The following CTDSP1 variants were observed in gnomAD, a reference collection of about 807,000 sequenced individuals.
The protein encoded by CTDSP1 is carboxy-terminal domain RNA polymerase II polypeptide A small phosphatase 1.
A neutral mutation model predicts 32.5 loss-of-function variants in CTDSP1; 15 were observed. The observed-to-expected ratio is 0.46, with a 90% CI of 0.31 to 0.71. The LOEUF is 0.71. Ranked by LOEUF, CTDSP1 falls within the 30% of genes least tolerant of loss-of-function variation. CTDSP1 has a pLI of 0.05. For synonymous variants in CTDSP1, 185 were observed against 145.4 expected (o/e 1.27, Z -1.96); for missense variants, 294 against 351.1 (o/e 0.84, Z 1.30).
intron 1 of CTDSP1, chr2:218,400,575 A>G: frequency 2.8e-6 from 1 of 362,710 alleles, no homozygotes; most frequent in Non-Finnish European, 5.4e-6. Context: ...GCGGTCCGGT[A>G]GGGTCTTGGG....
rs1440960006 is a variant in CTDSP1 at position 218,399,899 on chromosome 2, T to A, written c.-192T>A. The A allele has an allele frequency of 1.6e-6, 2 of 1,263,104 alleles. No homozygotes were observed. Among genetic ancestry groups the A allele is most frequent in the East Asian group, 3.3e-5 (1 of 30,296 alleles). 78.2% of individuals were successfully genotyped at this position (1,263,104 alleles called of 1,614,324 possible). On this transcript the variant is annotated 5_prime_UTR_variant, in exon 1 of 7. An upstream open reading frame in the 5' UTR gains an earlier in-frame stop. Coordinates refer to ENST00000273062, the MANE Select transcript of CTDSP1 (RefSeq NM_021198.3). ...GCCTCGCGGGAAGGAAACTCCATGT[T>A]GTAACAAAGTTTCCTCCGCGCCCCC...
At position 218,404,409 on chromosome 2, in the gene CTDSP1, CACG is replaced by C; in HGVS notation, c.771_773del (p.Arg258del). The C allele has an allele frequency of 6.2e-7, 1 of 1,614,124 alleles. No individual in the cohort carries two copies. Among genetic ancestry groups the C allele is most frequent in the South Asian group, 1.1e-5 (1 of 91,082 alleles). ...GACGTGTACTCAGTGCTCAGGCAGC[CACG>C]GCCAGGGAGCTAGTGAGGGTGATGG... On this transcript the variant is annotated inframe_deletion, in exon 7 of 7. Coordinates refer to ENST00000273062, the MANE Select transcript of CTDSP1 (RefSeq NM_021198.3).
At chr2:218,403,189 A>G (rs756022832) in intron 5 of CTDSP1, 43 bp from the exon 6 acceptor site, 4 of 1,612,038 alleles carry the variant, frequency 2.5e-6, no homozygotes, top group Admixed American at 1.7e-5. Context: ...CATGCAGCCC[A>G]ATGAACCTGC....
chr2:218,400,089 C>T lies in CTDSP1; in HGVS notation c.-2C>T, dbSNP rs1325544334. ...CGGCCGGAGCGGAGCGCGCCCGGCC[C>T]CATGGACAGCTCGGCCGTCATTACT... On this transcript the variant is annotated 5_prime_UTR_variant, in exon 1 of 7. Transcript: ENST00000273062. The T allele has an allele frequency of 6.6e-7, 1 of 1,525,522 alleles. No homozygotes were observed. Among genetic ancestry groups the T allele is most frequent in the Admixed American group, 2.1e-5 (1 of 47,622 alleles). 94.5% of individuals were successfully genotyped at this position (1,525,522 alleles called of 1,614,324 possible). A position where few individuals can be genotyped will look rare whatever the true frequency, so the allele number is the denominator to read the frequency against.
chr2:218,400,691 C>T (rs933705236), intron 1 of CTDSP1: 1 of 454,472 alleles, frequency 2.2e-6, no homozygotes, highest in Non-Finnish European at 4.4e-6. Context: ...GGCGCCGACC[C>T]CCTCGGAGGC....
In CTDSP1 at chr2:218,399,873, C is replaced by A. The variant is rs1253055688; in HGVS notation, c.-218C>A. 8.0e-6 allele frequency: 10 copies of A among 1,245,874 alleles called. No individual in the cohort carries two copies. Among genetic ancestry groups the A allele is most frequent in the Non-Finnish European group, 1.0e-5 (10 of 994,998 alleles). The allele number at this position is 1,245,874 out of a possible 1,614,324, so 77.2% of individuals were successfully genotyped here. A position where few individuals can be genotyped will look rare whatever the true frequency, so the allele number is the denominator to read the frequency against. On this transcript the variant is annotated 5_prime_UTR_variant, in exon 1 of 7. Transcript: ENST00000273062. ...GGCGCCTGGGTTCCATGTTTGCATC[C>A]GCCTCGCGGGAAGGAAACTCCATGT...
chr2:218,403,013 C>T (rs1477503627), intron 4 of CTDSP1, 22 bp from the exon 5 acceptor site: 25 of 1,600,350 alleles, frequency 1.6e-5, no homozygotes, highest in Non-Finnish European at 2.1e-5. Context: ...GCCCGCAGCC[C>T]CCTCACTGGC....
chr2:218,400,332 G>C (rs1697052427), intron 1 of CTDSP1, 175 bp downstream of exon 1: 1 of 731,162 alleles, frequency 1.4e-6, no homozygotes. Context: ...GAGGCTCAGA[G>C]ACGCGGGGCG....
At chr2:218,401,143 A>C in intron 1 of CTDSP1, 1 of 364,104 alleles carries the variant, frequency 2.7e-6, no homozygotes, top group Admixed American at 3.4e-5. Context: ...ACGGGGGTGG[A>C]GAGGATGGAG....
rs537523584 is a variant in CTDSP1 at position 218,400,123 on chromosome 2, C to G, written c.33C>G (p.Ser11Arg). The change falls in exon 1 of 7, where the codon AGC becomes AGG. Residue 11 changes from serine (S) to arginine (R), a missense_variant. This residue lies in a region of CTDSP1 where 148 missense variants were observed against 113.3 expected (regional missense o/e 1.31). Transcript: ENST00000273062. ...GCTCGGCCGTCATTACTCAGATCAG[C>G]AAGGAGGAGGCTCGGGGCCCGCTGC... is the stretch of plus-strand genomic sequence containing the variant. The part of the protein sequence containing the change: MDSSAVITQI[S>R]KEEARGPLRG... 2 of 1,545,522 alleles carry G rather than the reference C, an allele frequency of 1.3e-6. No individual in the cohort carries two copies. The highest frequency in any genetic ancestry group is 4.9e-5 in the East Asian group (2 of 40,702).
intron 1 of CTDSP1, chr2:218,400,410 A>T: frequency 2.1e-6 from 1 of 466,486 alleles, no homozygotes; most frequent in Non-Finnish European, 3.6e-6. Flanking sequence ...ATAGAGAGGG[A>T]ACTCTTCGGG....
chr2:218,402,509 A>C (rs1315185997), intron 4 of CTDSP1, 104 bp downstream of exon 4: 1 of 1,166,998 alleles, frequency 8.6e-7, no homozygotes, highest in African/African-American at 1.5e-5. Context: ...ATACATGTGG[A>C]ATGTCAGAGG....
In CTDSP1 at chr2:218,400,103, G is replaced by A; in HGVS notation, c.13G>A (p.Ala5Thr). The A allele has an allele frequency of 6.5e-7, 1 of 1,537,392 alleles. No individual in the cohort carries two copies. Residue 5 changes from alanine (A) to threonine (T), a missense_variant, in exon 1 of 7, where the codon GCC becomes ACC. Ala to Thr is a moderately conservative substitution (Grantham distance 58). This residue lies in a region of CTDSP1 where 148 missense variants were observed against 113.3 expected (regional missense o/e 1.31). Coordinates refer to ENST00000273062, the MANE Select transcript of CTDSP1 (RefSeq NM_021198.3). Reference sequence around the variant, plus strand: ...CGCGCCCGGCCCCATGGACAGCTCGGCCGTCATTACTCAGATCAGCAAGGA... The same window carrying A: ...CGCGCCCGGCCCCATGGACAGCTCGACCGTCATTACTCAGATCAGCAAGGA... MDSS[A>T]VITQISKEEA...
chr2:218,402,075 A>T (rs760232963), intron 2 of CTDSP1, 36 bp from the exon 3 acceptor site: 2 of 1,450,216 alleles, frequency 1.4e-6, no homozygotes, highest in East Asian at 4.6e-5. Flanking sequence ...CCAGGCCCGG[A>T]GAGAGGCACC....
chr2:218,405,606 A>G lies in CTDSP1; in HGVS notation c.*1181A>G, dbSNP rs1297525823. On this transcript the variant is annotated 3_prime_UTR_variant, in exon 7 of 7. Transcript: ENST00000273062. ...CAAGCTGTCCCCTTCCCCTGTGCCA[A>G]CCCATCTCCTACAGCCCCCTGCCTG... is the stretch of plus-strand genomic sequence containing the variant. 1 of 152,740 alleles carries G rather than the reference A, an allele frequency of 6.5e-6. No individual in the cohort carries two copies. Among genetic ancestry groups the G allele is most frequent in the Non-Finnish European group, 1.5e-5 (1 of 68,144 alleles). The allele number at this position is 152,740 out of a possible 1,614,324, so 9.5% of individuals were successfully genotyped here. A position where few individuals can be genotyped will look rare whatever the true frequency, so the allele number is the denominator to read the frequency against.
At chr2:218,402,473 T>C in intron 4 of CTDSP1, 68 bp downstream of exon 4, 1 of 1,496,826 alleles carries the variant, frequency 6.7e-7, no homozygotes, top group Non-Finnish European at 9.2e-7. Context: ...TTCCCACCAA[T>C]CCGGAGCGCC....
In CTDSP1 at chr2:218,401,706, C is replaced by T. The variant is rs749077426; in HGVS notation, c.210C>T (p.Ile70=). 1.3e-5 allele frequency: 21 copies of T among 1,574,382 alleles called. No homozygotes were observed. The highest frequency in any genetic ancestry group is 2.2e-5 in the East Asian group (1 of 44,458). ...APLLVEENGA[I]PKQTPVQYLL... is the part of the protein sequence containing the mutation. ...TGCTTGTGGAGGAGAATGGCGCCATCCCTAAGGTGCGTGGGGGCCAGGTGG... is the reference window on the plus strand; with the variant it reads ...TGCTTGTGGAGGAGAATGGCGCCATTCCTAAGGTGCGTGGGGGCCAGGTGG... Residue 70 remains isoleucine (I), a synonymous_variant, in exon 2 of 7, where the codon ATC becomes ATT. Coordinates refer to ENST00000273062, the MANE Select transcript of CTDSP1 (RefSeq NM_021198.3).
At chr2:218,399,645 G>A (rs997770089), upstream of CTDSP1, 154 of 819,982 alleles carry the variant, frequency 1.9e-4, no homozygotes, top group Middle Eastern at 4.3e-3. Context: ...TGAGCCGGGT[G>A]CCGGGCCTGC....
upstream of CTDSP1, chr2:218,399,338 AC>A (rs1199689877): frequency 2.0e-5 from 3 of 152,144 alleles, 1 homozygote; most frequent in Admixed American, 1.3e-4. Flanking sequence ...GGGGGCGGCG[AC>A]CGTCCCATTC....
Sources: gnomAD v4.1 joint callset for allele counts on GRCh38, gnomAD v4.1.1 for gene constraint, gnomAD v4.1.1 regional missense constraint, MANE v1.5 for transcripts, NCBI Gene and HGNC (gene_info 2026-07-23, HGNC 2026-07-21) for gene names.